SLC12A1: variants seen among roughly 807,000 people sequenced by gnomAD.
SLC12A1 encodes Na-K-2Cl cotransporter.
In SLC12A1, 89 loss-of-function variants were observed where a neutral mutation model predicts 130.4. The ratio of observed to expected loss-of-function variants is 0.68; its 90% CI spans 0.58 to 0.81. The LOEUF is 0.81. SLC12A1 is among the 40% of genes least tolerant of loss of function. SLC12A1 has a pLI of 0.00. For synonymous variants in SLC12A1, 499 were observed against 460.0 expected, an observed-to-expected ratio of 1.08 and a Z score of -1.09; for missense variants, 1,310 against 1,336.4, an observed-to-expected ratio of 0.98 and a Z score of 0.31.
intron 9 of SLC12A1, chr15:48,236,924 G>C: frequency 3.2e-6 from 2 of 627,278 alleles, no homozygotes; most frequent in Non-Finnish European, 5.6e-6. Flanking sequence ...AAACAAGTTT[G>C]TATCAGATGT....
chr15:48,245,514 T>G (rs2041567549), intron 11 of SLC12A1, among the ~76,000 whole-genome samples: 1 of 152,250 alleles, frequency 6.6e-6, no homozygotes, highest in Admixed American at 6.5e-5. Context: ...AGTGAGAATA[T>G]GTGGTATTTG....
In SLC12A1 at chr15:48,251,649, G is replaced by T. The variant is rs754627050; in HGVS notation, c.1821G>T (p.Trp607Cys). The stretch of plus-strand genomic sequence containing the variant: ...CTGCGTATGGAATTTACAACATGTG[G>T]GTATCTCTTTTTGGAGCTGTTTTGT... ...WRPAYGIYNMWVSLFGAVLCC... is the reference protein window; with the variant it reads ...WRPAYGIYNMCVSLFGAVLCC... Residue 607 changes from tryptophan to cysteine, a missense_variant, in exon 15 of 27, where the codon TGG (tryptophan) becomes TGT (cysteine). By Grantham distance (215) the Trp-to-Cys change is radical. Coordinates refer to ENST00000380993, the MANE Select transcript of SLC12A1 (RefSeq NM_000338.3). 6.2e-7 allele frequency: 1 copy of T among 1,613,736 alleles called. No homozygotes were observed. The highest frequency in any genetic ancestry group is 8.5e-7 in the Non-Finnish European group (1 of 1,179,732).
chr15:48,279,921 G>A (rs2041993500), intron 20 of SLC12A1, among the ~76,000 whole-genome samples: 1 of 152,126 alleles, frequency 6.6e-6, no homozygotes, highest in South Asian at 2.1e-4. Flanking sequence ...AATTCAACTA[G>A]ACTTCACCTG....
chr15:48,244,910 A>G lies in SLC12A1; in HGVS notation c.1452+6A>G. On this transcript the variant is annotated splice_donor_region_variant and intron_variant, in intron 11 of 26. Transcript: ENST00000380993. ...GGCTGATGAACAATTTCCAGGTTTG[A>G]AGCAAAATTCAAAAATGTTCACTGC... 1 of 1,613,658 alleles carries G rather than the reference A, an allele frequency of 6.2e-7. No homozygotes were observed. The highest frequency in any genetic ancestry group is 8.5e-7 in the Non-Finnish European group (1 of 1,179,690).
At chr15:48,267,525 G>T (rs747687544) in intron 17 of SLC12A1, 36 bp from the exon 18 acceptor site, 2 of 1,610,564 alleles carry the variant, frequency 1.2e-6, no homozygotes, top group East Asian at 2.2e-5. Context: ...ATATATAATA[G>T]CAGGGTTCTA....
chr15:48,275,646 G>C (rs2141099039), intron 20 of SLC12A1, among the ~76,000 whole-genome samples: 1 of 152,250 alleles, frequency 6.6e-6, no homozygotes, highest in East Asian at 1.9e-4. Flanking sequence ...TCCTGACAAA[G>C]AGGAAAGCAT....
At chr15:48,291,375 T>C (rs966082658) in intron 23 of SLC12A1, among the ~76,000 whole-genome samples, 6 of 151,742 alleles carry the variant, frequency 4.0e-5, no homozygotes, top group African/African-American at 1.2e-4. Flanking sequence ...TCTTATGATA[T>C]ATTGTATGAT....
chr15:48,276,533 TG>T (rs2041955964), intron 20 of SLC12A1, among the ~76,000 whole-genome samples: 4 of 152,242 alleles, frequency 2.6e-5, no homozygotes, highest in Middle Eastern at 3.4e-3. Context: ...TGTGAAGACA[TG>T]GTGAGAAGGC....
At position 48,247,034 on chromosome 15, in the gene SLC12A1, G is replaced by C; in HGVS notation, c.1560+18G>C. On this transcript the variant is annotated intron_variant, in intron 12 of 26. Coordinates refer to ENST00000380993, the MANE Select transcript of SLC12A1 (RefSeq NM_000338.3). Reference sequence around the variant, plus strand: ...TGTTCCAGGTAATACAAGCACAACAGCTTGTGCTTCTCCCTATTGCTATTT... The same window carrying C: ...TGTTCCAGGTAATACAAGCACAACACCTTGTGCTTCTCCCTATTGCTATTT... 1 of 1,532,926 alleles carries C rather than the reference G, an allele frequency of 6.5e-7. No individual in the cohort carries two copies. Among genetic ancestry groups the C allele is most frequent in the Non-Finnish European group, 9.0e-7 (1 of 1,105,984 alleles). The allele number at this position is 1,532,926 out of a possible 1,614,324, so 95.0% of individuals were successfully genotyped here. A position where few individuals can be genotyped will look rare whatever the true frequency, so the allele number is the denominator to read the frequency against.
In SLC12A1 at chr15:48,231,045, G is replaced by A. The variant is rs531155548; in HGVS notation, c.975+542G>A. On this transcript the variant is annotated intron_variant, in intron 7 of 26. Coordinates refer to ENST00000380993, the MANE Select transcript of SLC12A1 (RefSeq NM_000338.3). ...GGGAAACATGTCTTTTGCCTCCTTT[G>A]TAATTCCCTCAAGTGACTGGTGCAA... is the stretch of plus-strand genomic sequence containing the variant. Among the ~76,000 whole-genome samples the A allele has an allele frequency of 1.7e-4, 26 of 152,272 alleles. No individual in the cohort carries two copies. The South Asian group carries it at 3.9e-3, about 23-fold the overall frequency.
intron 13 of SLC12A1, among the ~76,000 whole-genome samples, chr15:48,247,704 C>T (rs1223518522): frequency 6.6e-6 from 1 of 152,218 alleles, no homozygotes; most frequent in Admixed American, 6.5e-5. Context: ...CCACATGACG[C>T]TGAATCCTTC....
intron 5 of SLC12A1, chr15:48,228,040 C>T (rs536398826): frequency 6.6e-6 from 1 of 152,146 alleles, no homozygotes; most frequent in South Asian, 2.1e-4. Context: ...AAATTTCTCT[C>T]AGCAAAAAGT....
At chr15:48,258,792 C>T (rs1375563474) in intron 16 of SLC12A1, among the ~76,000 whole-genome samples, 1 of 152,202 alleles carries the variant, frequency 6.6e-6, no homozygotes, top group Non-Finnish European at 1.5e-5. Context: ...CACAGTTCCA[C>T]ATGGCTGAGG....
At chr15:48,276,520 T>A (rs1566852529) in intron 20 of SLC12A1, among the ~76,000 whole-genome samples, 1 of 152,164 alleles carries the variant, frequency 6.6e-6, no homozygotes, top group Non-Finnish European at 1.5e-5. Context: ...TGAGGGGTGA[T>A]CATGTGAAGA....
intron 14 of SLC12A1, 140 bp from the exon 15 acceptor site, chr15:48,251,475 A>G: frequency 1.5e-6 from 1 of 688,062 alleles, no homozygotes; most frequent in Non-Finnish European, 2.6e-6. Flanking sequence ...CCATAGGAAA[A>G]TAATCACAGA....
chr15:48,286,967 A>G (rs1374502963), intron 21 of SLC12A1, among the ~76,000 whole-genome samples: 5 of 152,208 alleles, frequency 3.3e-5, no homozygotes, highest in Admixed American at 6.5e-5. Flanking sequence ...TGTAAAAACA[A>G]TATCAGATCA....
chr15:48,226,503 C>A lies in SLC12A1; in HGVS notation c.656C>A (p.Ser219Tyr). 1 of 1,599,946 alleles carries A rather than the reference C, an allele frequency of 6.3e-7. No individual in the cohort carries two copies. The highest frequency in any genetic ancestry group is 1.7e-5 in the Admixed American group (1 of 57,354). Residue 219 changes from serine (S) to tyrosine (Y), a missense_variant, in exon 5 of 27, where the codon TCC becomes TAC. Ser to Tyr is a moderately radical substitution (Grantham distance 144, BLOSUM62 -2). Transcript: ENST00000380993. ...IGLGVLIILL[S>Y]TMVTSITGLS... ...CTTGGAGTTCTCATAATTCTTCTTT[C>A]CACCATGGTAACTTCTATTACTGGG...
Position 48,246,952 on chromosome 15 carries a change from G to A in SLC12A1, c.1496G>A (p.Gly499Glu). 6.2e-7 allele frequency: 1 copy of A among 1,613,944 alleles called. No homozygotes were observed. The highest frequency in any genetic ancestry group is 8.5e-7 in the Non-Finnish European group (1 of 1,179,878). ...GGGTTCGGCCCCCTCATCACTGCGG[G>A]AATCTTTTCTGCAACACTCTCCTCC... is the stretch of plus-strand genomic sequence containing the variant. ...VSGFGPLITA[G>E]IFSATLSSAL... The change falls in exon 12 of 27, where the codon GGA becomes GAA. Residue 499 changes from glycine (G) to glutamate (E), a missense_variant. Transcript: ENST00000380993.
At chr15:48,211,190 G>A (rs1394936165) in intron 2 of SLC12A1, among the ~76,000 whole-genome samples, 1 of 152,122 alleles carries the variant, frequency 6.6e-6, no homozygotes, top group African/African-American at 2.4e-5. Flanking sequence ...GCCAAATTGG[G>A]AGTAGAATTC....
Sources: allele counts gnomAD v4.1 joint callset (sites outside exome capture counted in the v4.1 genomes callset), GRCh38; gene constraint gnomAD v4.1.1; transcripts MANE v1.5; gene names NCBI Gene and HGNC (gene_info 2026-07-23, HGNC 2026-07-21).